Variants in SEZ6L observed in about 807,000 individuals in gnomAD.
SEZ6L encodes seizure related 6 homolog like, also known as seizure 6-like protein.
A neutral mutation model predicts 106.2 loss-of-function variants in SEZ6L; 37 were observed. That is an observed-to-expected ratio of 0.35 (90% CI 0.27 to 0.46). The LOEUF (loss-of-function observed/expected upper bound fraction) is 0.46. Among genes scored for constraint, SEZ6L ranks in the 20% least tolerant of loss-of-function variants. The pLI, the probability that SEZ6L is intolerant of heterozygous loss-of-function variation, is 1.00. For missense variants in SEZ6L, 1,172 were observed against 1,332.8 expected (o/e 0.88, Z 1.88); for synonymous variants, 541 against 570.4 (o/e 0.95, Z 0.73).
chr22:26,373,376 AT>A (rs1439425002), intron 13 of SEZ6L, 74 bp from the exon 14 acceptor site: 9 of 1,347,726 alleles, frequency 6.7e-6, no homozygotes, highest in African/African-American at 4.4e-5. Flanking sequence ...TTTGCATCAA[AT>A]TTTTTGGCCT....
chr22:26,346,741 G>A (rs928477838), intron 10 of SEZ6L, among the ~76,000 whole-genome samples: 1 of 152,212 alleles, frequency 6.6e-6, no homozygotes, highest in Admixed American at 6.5e-5. Context: ...TCTCTGGAGG[G>A]CTGCTTGAGC....
At chr22:26,354,925 CT>C (rs1483838944) in intron 12 of SEZ6L, among the ~76,000 whole-genome samples, 1 of 152,210 alleles carries the variant, frequency 6.6e-6, no homozygotes, top group African/African-American at 2.4e-5. Context: ...AAGAAGAGCC[CT>C]GCGTGTGGTG....
chr22:26,199,148 A>T, intron 1 of SEZ6L, among the ~76,000 whole-genome samples: 1 of 152,240 alleles, frequency 6.6e-6, no homozygotes, highest in East Asian at 1.9e-4. Flanking sequence ...GATGGTCCAA[A>T]TCACTTACAA....
chr22:26,346,201 T>G (rs1455577163), intron 10 of SEZ6L, among the ~76,000 whole-genome samples: 1 of 151,946 alleles, frequency 6.6e-6, no homozygotes, highest in Non-Finnish European at 1.5e-5. Flanking sequence ...CTCATTTTTT[T>G]GGTTTTATTA....
chr22:26,209,562 AGAAG>A (rs1484934909), intron 1 of SEZ6L, among the ~76,000 whole-genome samples: 1 of 145,520 alleles, frequency 6.9e-6, no homozygotes, highest in Non-Finnish European at 1.5e-5. Flanking sequence ...GAGGGAGGAG[AGAAG>A]GAAGGAAGAA....
intron 1 of SEZ6L, among the ~76,000 whole-genome samples, chr22:26,249,991 C>T (rs1483404628): frequency 6.6e-6 from 1 of 152,048 alleles, no homozygotes; most frequent in Non-Finnish European, 1.5e-5. Flanking sequence ...GTTTATTCAG[C>T]ACATTGTCAC....
At chr22:26,365,635 T>C (rs1278255117) in intron 13 of SEZ6L, 69 bp downstream of exon 13, 8 of 1,422,450 alleles carry the variant, frequency 5.6e-6, no homozygotes, top group Non-Finnish European at 7.7e-6. Context: ...CTCACAGGAG[T>C]TCTGAACTTG....
At chr22:26,251,525 G>A (rs920697320) in intron 1 of SEZ6L, among the ~76,000 whole-genome samples, 1 of 152,204 alleles carries the variant, frequency 6.6e-6, no homozygotes, top group South Asian at 2.1e-4. Context: ...GGCCTGTAAA[G>A]ACTGAAGGGG....
chr22:26,336,396 CCTT>C (rs1316556916), intron 9 of SEZ6L, among the ~76,000 whole-genome samples: 42 of 152,176 alleles, frequency 2.8e-4, no homozygotes, highest in African/African-American at 9.2e-4. Flanking sequence ...TGAGTCCTTC[CCTT>C]CTTCTTGTCT....
At chr22:26,289,814 G>A (rs984112422) in intron 1 of SEZ6L, among the ~76,000 whole-genome samples, 2 of 152,250 alleles carry the variant, frequency 1.3e-5, no homozygotes, top group Non-Finnish European at 2.9e-5. Context: ...CCTGGAGACT[G>A]TAGCTGAGTG....
intron 1 of SEZ6L, among the ~76,000 whole-genome samples, chr22:26,187,020 A>G (rs975867797): frequency 2.6e-5 from 4 of 152,220 alleles, no homozygotes; most frequent in African/African-American, 9.6e-5. Flanking sequence ...TCCCAGCTTA[A>G]GATAGGGTCA....
intron 9 of SEZ6L, among the ~76,000 whole-genome samples, chr22:26,327,942 A>T (rs1199852574): frequency 6.6e-6 from 1 of 152,246 alleles, no homozygotes; most frequent in Non-Finnish European, 1.5e-5. Context: ...CACAGATGCC[A>T]TCTGGGGTCA....
At chr22:26,289,659 C>G (rs1049027933) in intron 1 of SEZ6L, among the ~76,000 whole-genome samples, 2 of 152,210 alleles carry the variant, frequency 1.3e-5, no homozygotes, top group Non-Finnish European at 2.9e-5. Flanking sequence ...GGCTGGTAAT[C>G]AATGTTACAC....
chr22:26,247,675 C>G (rs1402653112), intron 1 of SEZ6L, among the ~76,000 whole-genome samples: 1 of 152,130 alleles, frequency 6.6e-6, no homozygotes, highest in Non-Finnish European at 1.5e-5. Flanking sequence ...GGACTTCTAG[C>G]CTCCAGGACT....
intron 1 of SEZ6L, among the ~76,000 whole-genome samples, chr22:26,196,635 C>G (rs903629862): frequency 6.6e-6 from 1 of 152,176 alleles, no homozygotes; most frequent in Non-Finnish European, 1.5e-5. Flanking sequence ...ATTTTCAAAA[C>G]TCACTTTGAC....
At chr22:26,310,204 A>C (rs1171219978) in intron 6 of SEZ6L, among the ~76,000 whole-genome samples, 1 of 152,236 alleles carries the variant, frequency 6.6e-6, no homozygotes, top group East Asian at 1.9e-4. Context: ...AGAAGAGGAA[A>C]CAGGTTCGAT....
intron 7 of SEZ6L, 75 bp downstream of exon 7, chr22:26,310,911 T>G: frequency 6.8e-7 from 1 of 1,465,510 alleles, no homozygotes; most frequent in Non-Finnish European, 9.3e-7. Flanking sequence ...CATGGGGAGA[T>G]AGAAATCTGG....
intron 15 of SEZ6L, among the ~76,000 whole-genome samples, chr22:26,376,570 C>T (rs1056409348): frequency 2.6e-5 from 4 of 151,850 alleles, no homozygotes; most frequent in Non-Finnish European, 5.9e-5. Context: ...GGTGGAACCC[C>T]GTCTCTACTA....
chr22:26,209,021 C>T (rs1450214544), intron 1 of SEZ6L, among the ~76,000 whole-genome samples: 1 of 151,806 alleles, frequency 6.6e-6, no homozygotes, highest in Non-Finnish European at 1.5e-5. Flanking sequence ...TTACACTTTC[C>T]TCTGTCATCA....
Sources: allele counts gnomAD v4.1 joint callset (sites outside exome capture counted in the v4.1 genomes callset), GRCh38; gene constraint gnomAD v4.1.1; transcripts MANE v1.5; gene names NCBI Gene and HGNC (gene_info 2026-07-23, HGNC 2026-07-21).